The following DARS1 variants were observed in gnomAD, a reference collection of about 807,000 sequenced individuals.
The protein encoded by DARS1 is aspartyl-tRNA synthetase 1, also known as aspartate--tRNA ligase, cytoplasmic.
In DARS1, 51 loss-of-function variants were observed where a neutral mutation model predicts 68.8. The observed-to-expected ratio is 0.74, with a 90% CI of 0.59 to 0.94. DARS1 has a LOEUF of 0.94. Among genes scored for constraint, DARS1 ranks in the 40% least tolerant of loss-of-function variants. DARS1 has a pLI of 0.00. For synonymous variants in DARS1, 203 were observed against 190.4 expected (o/e 1.07, Z -0.55); for missense variants, 607 against 597.3 (o/e 1.02, Z -0.17).
chr2:135,926,674 T>A (rs998397450), intron 7 of DARS1, among the ~76,000 whole-genome samples: 1 of 152,214 alleles, frequency 6.6e-6, no homozygotes, highest in African/African-American at 2.4e-5. Flanking sequence ...TCAAAATACA[T>A]CTTCAACTAT....
At chr2:135,960,864 T>A (rs969107769) in intron 4 of DARS1, among the ~76,000 whole-genome samples, 1 of 152,204 alleles carries the variant, frequency 6.6e-6, no homozygotes, top group South Asian at 2.1e-4. Context: ...CCCAGACTTT[T>A]ACAGGAGGAA....
intron 15 of DARS1, among the ~76,000 whole-genome samples, chr2:135,910,637 C>CA (rs944671416): frequency 1.3e-5 from 2 of 151,912 alleles, no homozygotes; most frequent in African/African-American, 2.4e-5. Flanking sequence ...TTGTATTTTC[C>CA]AAAAAACCCC....
chr2:135,947,130 C>G (rs1010890210), intron 4 of DARS1, among the ~76,000 whole-genome samples: 2 of 151,910 alleles, frequency 1.3e-5, no homozygotes, highest in African/African-American at 4.8e-5. Flanking sequence ...TTAGCCCAGG[C>G]ACGGTGGCTC....
intron 3 of DARS1, among the ~76,000 whole-genome samples, chr2:135,976,581 AT>A (rs1445203879): frequency 1.3e-5 from 2 of 152,174 alleles, no homozygotes; most frequent in Non-Finnish European, 2.9e-5. Context: ...GGCACTATCA[AT>A]TAAGAGACTA....
chr2:135,947,675 A>G (rs967672679), intron 4 of DARS1, among the ~76,000 whole-genome samples: 1 of 152,086 alleles, frequency 6.6e-6, no homozygotes, highest in Non-Finnish European at 1.5e-5. Context: ...AAGATCATTT[A>G]ATGATTATTG....
At chr2:135,973,625 T>A (rs1682434759) in intron 3 of DARS1, among the ~76,000 whole-genome samples, 1 of 151,790 alleles carries the variant, frequency 6.6e-6, no homozygotes, top group African/African-American at 2.4e-5. Context: ...GAGGCTGAGG[T>A]GGATAGATAG....
At chr2:135,918,580 A>G (rs1177720265) in intron 10 of DARS1, among the ~76,000 whole-genome samples, 2 of 152,340 alleles carry the variant, frequency 1.3e-5, no homozygotes, top group Non-Finnish European at 2.9e-5. Flanking sequence ...CTACTGAAAA[A>G]GTTCAGCAGT....
intron 4 of DARS1, among the ~76,000 whole-genome samples, chr2:135,956,331 G>T (rs912897792): frequency 2.0e-5 from 3 of 152,158 alleles, no homozygotes; most frequent in Non-Finnish European, 4.4e-5. Context: ...TCAGTGGATG[G>T]AAAATTACTA....
intron 4 of DARS1, among the ~76,000 whole-genome samples, chr2:135,945,091 C>A (rs1681690752): frequency 6.6e-6 from 1 of 152,060 alleles, no homozygotes; most frequent in African/African-American, 2.4e-5. Flanking sequence ...CTTCCATTAT[C>A]AGACAGTCTT....
intron 7 of DARS1, among the ~76,000 whole-genome samples, chr2:135,927,241 G>T (rs972149769): frequency 2.0e-5 from 3 of 151,962 alleles, no homozygotes; most frequent in Admixed American, 1.3e-4. Context: ...TATAACAAAA[G>T]AAAAGTATGT....
chr2:135,948,864 C>T (rs1012823262), intron 4 of DARS1, among the ~76,000 whole-genome samples: 10 of 138,496 alleles, frequency 7.2e-5, no homozygotes, highest in Middle Eastern at 3.4e-3. Flanking sequence ...AGCGAGACTC[C>T]GTCTCCCGTC....
intron 4 of DARS1, among the ~76,000 whole-genome samples, chr2:135,952,558 T>TC (rs985070474): frequency 1.3e-5 from 2 of 151,988 alleles, no homozygotes; most frequent in East Asian, 3.9e-4. Context: ...CTCTCCCTCA[T>TC]CCCCCTCTGC....
chr2:135,981,435 C>T (rs1682629922), intron 2 of DARS1, among the ~76,000 whole-genome samples: 2 of 152,098 alleles, frequency 1.3e-5, no homozygotes, highest in Admixed American at 6.6e-5. Flanking sequence ...GGAATGCTCC[C>T]AAATCCAAAA....
chr2:135,919,681 C>T (rs892746753), intron 10 of DARS1, among the ~76,000 whole-genome samples: 1 of 152,170 alleles, frequency 6.6e-6, no homozygotes, highest in African/African-American at 2.4e-5. Context: ...AAGGGAAGAG[C>T]TCTTTGCCAG....
rs1680799817 is a variant in DARS1, at chr2:135,907,198, A to G, written c.*118T>C. 1 of 593,676 alleles carries G rather than the reference A, an allele frequency of 1.7e-6. No homozygotes were observed. The highest frequency in any genetic ancestry group is 2.9e-6 in the Non-Finnish European group (1 of 350,432). 36.8% of individuals were successfully genotyped at this position (593,676 alleles called of 1,614,324 possible). ...TGCATATTTTAAGTACCTAAAGTACAGCCTGTGCACTAGCAGGTTACTGAA... is the reference window on the plus strand; with the variant it reads ...TGCATATTTTAAGTACCTAAAGTACGGCCTGTGCACTAGCAGGTTACTGAA... On this transcript the variant is annotated 3_prime_UTR_variant, in exon 16 of 16. Transcript: ENST00000264161.
chr2:135,971,178 T>C (rs1682360745), intron 3 of DARS1, among the ~76,000 whole-genome samples: 1 of 152,152 alleles, frequency 6.6e-6, no homozygotes, highest in African/African-American at 2.4e-5. Flanking sequence ...TAAATACTGA[T>C]GCAAAAATCC....
chr2:135,979,221 C>T, intron 3 of DARS1, 53 bp downstream of exon 3: 6 of 846,210 alleles, frequency 7.1e-6, no homozygotes, highest in African/African-American at 1.7e-5. Flanking sequence ...ATATGTAAGA[C>T]AAAAAATTCG....
chr2:135,915,326 C>A (rs766064848), intron 11 of DARS1, among the ~76,000 whole-genome samples: 12 of 152,152 alleles, frequency 7.9e-5, no homozygotes, highest in Non-Finnish European at 1.8e-4. Flanking sequence ...CACTCTGTCA[C>A]CCAGGCTGGA....
intron 4 of DARS1, among the ~76,000 whole-genome samples, chr2:135,944,209 C>T (rs1462106965): frequency 6.6e-6 from 1 of 152,066 alleles, no homozygotes; most frequent in Non-Finnish European, 1.5e-5. Flanking sequence ...ATCACTAGTA[C>T]ATAACCAAGG....
Sources: allele counts gnomAD v4.1 joint callset (sites outside exome capture counted in the v4.1 genomes callset), GRCh38; gene constraint gnomAD v4.1.1; transcripts MANE v1.5; gene names NCBI Gene and HGNC (gene_info 2026-07-23, HGNC 2026-07-21).